Variants in PTPRD observed in about 807,000 individuals in gnomAD.
The protein encoded by PTPRD is receptor-type tyrosine-protein phosphatase delta.
Under a neutral mutation model 214.5 loss-of-function variants are expected in PTPRD, and 34 were observed. The observed-to-expected ratio is 0.16, with a 90% CI of 0.12 to 0.21. The LOEUF is 0.21. PTPRD is among the 10% of genes least tolerant of loss of function. PTPRD has a pLI of 1.00. For missense variants in PTPRD, 2,545 were observed against 2,398.7 expected, an observed-to-expected ratio of 1.06 and a Z score of -1.27; for synonymous variants, 1,128 against 845.7, an observed-to-expected ratio of 1.33 and a Z score of -5.79.
intron 10 of PTPRD, among the ~76,000 whole-genome samples, chr9:9,121,213 A>T (rs1355675542): frequency 6.6e-6 from 1 of 152,150 alleles, no homozygotes; most frequent in Non-Finnish European, 1.5e-5. Flanking sequence ...TTATTTGAAA[A>T]TCTCCATTCT....
At chr9:8,984,440 T>C (rs944510422) in intron 11 of PTPRD, among the ~76,000 whole-genome samples, 2 of 152,096 alleles carry the variant, frequency 1.3e-5, no homozygotes, top group Non-Finnish European at 2.9e-5. Flanking sequence ...TATAAAAAAA[T>C]TTAAATTATT....
At chr9:10,476,549 A>G (rs1589042944) in intron 2 of PTPRD, among the ~76,000 whole-genome samples, 1 of 152,322 alleles carries the variant, frequency 6.6e-6, no homozygotes, top group East Asian at 1.9e-4. Context: ...ATATTGTGAA[A>G]ATGGCCATGC....
chr9:8,452,784 T>C (rs1030858421), intron 33 of PTPRD, among the ~76,000 whole-genome samples: 1 of 152,140 alleles, frequency 6.6e-6, no homozygotes, highest in African/African-American at 2.4e-5. Flanking sequence ...ACAATACAAA[T>C]GCTACTCTGG....
At chr9:9,393,980 C>T (rs114346783) in intron 9 of PTPRD, among the ~76,000 whole-genome samples, 2,743 of 152,204 alleles carry the variant, frequency 0.018, 71 homozygotes, top group African/African-American at 0.056. Flanking sequence ...TTTCATGATG[C>T]CCTTAGTGTC....
intron 5 of PTPRD, among the ~76,000 whole-genome samples, chr9:9,876,485 G>GA (rs943999042): frequency 1.1e-4 from 17 of 149,598 alleles, no homozygotes; most frequent in Admixed American, 2.0e-4. Flanking sequence ...ATATCACCTC[G>GA]AAAAAAAAAC....
intron 8 of PTPRD, among the ~76,000 whole-genome samples, chr9:9,518,843 G>A (rs2096897628): frequency 6.6e-6 from 1 of 151,890 alleles, no homozygotes; most frequent in African/African-American, 2.4e-5. Context: ...ACATCTCTCT[G>A]CTTTTATATG....
intron 4 of PTPRD, among the ~76,000 whole-genome samples, chr9:9,942,549 C>G (rs944284295): frequency 5.9e-5 from 9 of 152,068 alleles, no homozygotes; most frequent in Admixed American, 5.2e-4. Context: ...GAATCTGTAA[C>G]TATCAGATAT....
At chr9:10,254,239 AAAGT>A (rs982628850) in intron 3 of PTPRD, among the ~76,000 whole-genome samples, 17 of 152,360 alleles carry the variant, frequency 1.1e-4, no homozygotes, top group Middle Eastern at 3.4e-3. Context: ...CATGCATATA[AAAGT>A]AAGTAACTGA....
In PTPRD at chr9:8,339,017, G is replaced by C. The variant is rs1849701524; in HGVS notation, c.5284C>G (p.Arg1762Gly). 1 of 1,612,024 alleles carries C rather than the reference G, an allele frequency of 6.2e-7. No individual in the cohort carries two copies. Among genetic ancestry groups the C allele is most frequent in the African/African-American group, 1.3e-5 (1 of 74,926 alleles). ...ACAAAGTACTGGTATCTTGCAGACCGTTCTGCTGGCCAGTATTGGTGACAT... is the reference window on the plus strand; with the variant it reads ...ACAAAGTACTGGTATCTTGCAGACCCTTCTGCTGGCCAGTATTGGTGACAT... ...EKCHQYWPAE[R>G]SARYQYFVVD... The change falls in exon 43 of 46, where the codon CGG (arginine) becomes GGG (glycine). Residue 1762 changes from arginine (R) to glycine (G), a missense_variant. Physicochemically the swap from Arg to Gly is moderately radical, Grantham distance 125. Coordinates refer to ENST00000381196, the MANE Select transcript of PTPRD (RefSeq NM_002839.4).
At chr9:8,696,380 C>T (rs1196264596) in intron 12 of PTPRD, among the ~76,000 whole-genome samples, 1 of 152,218 alleles carries the variant, frequency 6.6e-6, no homozygotes, top group African/African-American at 2.4e-5. Context: ...TGAACACCTA[C>T]TTGCACTAAA....
chr9:8,518,182 A>G lies in PTPRD; in HGVS notation c.1209T>C (p.Pro403=), dbSNP rs2097820925. The G allele has an allele frequency of 1.2e-6, 2 of 1,614,038 alleles. No individual in the cohort carries two copies. Among genetic ancestry groups the G allele is most frequent in the Non-Finnish European group, 1.7e-6 (2 of 1,180,028 alleles). The change falls in exon 21 of 46, where the codon CCT becomes CCC. Residue 403 remains proline, a synonymous_variant. Coordinates refer to ENST00000381196, the MANE Select transcript of PTPRD (RefSeq NM_002839.4). Reference sequence around the variant, plus strand: ...TTTGTGTTAGCACAGGTTCGCTGGGAGGCCCCCGCCCAATGTTATTGACAG... The same window carrying G: ...TTTGTGTTAGCACAGGTTCGCTGGGGGGCCCCCGCCCAATGTTATTGACAG... ...VVAVNNIGRG[P]PSEPVLTQTS...
intron 11 of PTPRD, among the ~76,000 whole-genome samples, chr9:8,913,030 C>T (rs922553682): frequency 7.9e-5 from 12 of 152,112 alleles, no homozygotes; most frequent in South Asian, 2.1e-4. Context: ...TTAAGCTTAA[C>T]GATTTATGAA....
At chr9:8,468,941 G>T (rs1373765565) in intron 31 of PTPRD, among the ~76,000 whole-genome samples, 1 of 151,782 alleles carries the variant, frequency 6.6e-6, no homozygotes, top group African/African-American at 2.4e-5. Flanking sequence ...TATATCAAGG[G>T]CTTTAGTTCT....
intron 2 of PTPRD, among the ~76,000 whole-genome samples, chr9:10,560,575 A>T (rs571756543): frequency 6.6e-6 from 1 of 152,156 alleles, no homozygotes; most frequent in East Asian, 1.9e-4. Flanking sequence ...AACAATAAAA[A>T]AATAAACAAA....
intron 8 of PTPRD, among the ~76,000 whole-genome samples, chr9:9,441,414 A>C (rs140620968): frequency 8.7e-4 from 133 of 152,324 alleles, no homozygotes; most frequent in African/African-American, 3.1e-3. Flanking sequence ...TATGTCTGAA[A>C]TTCTCTATTG....
At chr9:8,858,334 A>G in intron 11 of PTPRD, 1 of 152,556 alleles carries the variant, frequency 6.6e-6, no homozygotes, top group Non-Finnish European at 1.5e-5. Flanking sequence ...GTAACCAGAA[A>G]CTGAGGCTCG....
intron 4 of PTPRD, among the ~76,000 whole-genome samples, chr9:10,010,689 A>G (rs929655467): frequency 2.6e-5 from 4 of 151,970 alleles, no homozygotes; most frequent in Non-Finnish European, 5.9e-5. Flanking sequence ...GCACATAAAT[A>G]GAGATATTTT....
At chr9:8,451,280 G>A (rs2095937418) in intron 33 of PTPRD, among the ~76,000 whole-genome samples, 1 of 152,152 alleles carries the variant, frequency 6.6e-6, no homozygotes, top group African/African-American at 2.4e-5. Context: ...AGATTAACCT[G>A]TCTGAGGATT....
intron 5 of PTPRD, among the ~76,000 whole-genome samples, chr9:9,777,205 C>T (rs1196288696): frequency 2.0e-5 from 3 of 152,094 alleles, no homozygotes; most frequent in African/African-American, 7.2e-5. Flanking sequence ...GATCAAAATA[C>T]ATTTTTAAAA....
Sources: gnomAD v4.1 joint callset for allele counts (sites outside exome capture counted in the v4.1 genomes callset) on GRCh38, gnomAD v4.1.1 for gene constraint, MANE v1.5 for transcripts, NCBI Gene and HGNC (gene_info 2026-07-23, HGNC 2026-07-21) for gene names.